ESR1: variants seen among roughly 807,000 people sequenced by gnomAD.
The protein encoded by ESR1 is estrogen receptor 1.
ESR1 carries 12 observed loss-of-function variants against 52.7 expected under a neutral mutation model. The observed-to-expected ratio is 0.23, with a 90% CI of 0.15 to 0.37. The LOEUF is 0.37. Among genes scored for constraint, ESR1 ranks in the 10% least tolerant of loss-of-function variants. The pLI is 1.00. For missense variants in ESR1, 584 were observed against 779.7 expected, an observed-to-expected ratio of 0.75 and a Z score of 2.99; for synonymous variants, 305 against 316.8, an observed-to-expected ratio of 0.96 and a Z score of 0.39.
intron 2 of ESR1, among the ~76,000 whole-genome samples, chr6:151,757,890 C>T (rs2128090489): frequency 6.6e-6 from 1 of 152,226 alleles, no homozygotes; most frequent in African/African-American, 2.4e-5. Flanking sequence ...AATGGTCTGA[C>T]CTTGAGGAAC....
intron 5 of ESR1, among the ~76,000 whole-genome samples, chr6:152,034,485 G>A (rs1260658817): frequency 2.6e-5 from 4 of 151,626 alleles, no homozygotes; most frequent in African/African-American, 7.3e-5. Context: ...TGTCCATAGA[G>A]TTTGTCTGCT....
chr6:152,088,531 A>G (rs531325828), intron 6 of ESR1, among the ~76,000 whole-genome samples: 3 of 152,354 alleles, frequency 2.0e-5, no homozygotes, highest in African/African-American at 7.2e-5. Flanking sequence ...TTCTGCGCTC[A>G]TGAGTGGTTG....
rs1656893997 is a variant in ESR1 at position 152,100,466 on chromosome 6, T to C, written c.*1500T>C. On this transcript the variant is annotated 3_prime_UTR_variant, in exon 8 of 8. Coordinates refer to ENST00000206249, the MANE Select transcript of ESR1 (RefSeq NM_000125.4). Reference sequence around the variant, plus strand: ...TCCTGCCAGCTCATTTCCTTCAATTTCCTTTGACCTATAGGCTAAAAAAGA... The same window carrying C: ...TCCTGCCAGCTCATTTCCTTCAATTCCCTTTGACCTATAGGCTAAAAAAGA... 2 of 249,458 alleles carry C rather than the reference T, an allele frequency of 8.0e-6. No homozygotes were observed. The highest frequency in any genetic ancestry group is 1.5e-5 in the Non-Finnish European group (2 of 129,688). The allele number at this position is 249,458 out of a possible 1,614,324, so 15.5% of individuals were successfully genotyped here. A position where few individuals can be genotyped will look rare whatever the true frequency, so the allele number is the denominator to read the frequency against.
intron 1 of ESR1, among the ~76,000 whole-genome samples, chr6:151,699,726 G>A (rs1348041900): frequency 6.6e-6 from 1 of 152,148 alleles, no homozygotes; most frequent in East Asian, 1.9e-4. Flanking sequence ...TTCAATGTTG[G>A]TGTCAATCTC....
intron 3 of ESR1, among the ~76,000 whole-genome samples, chr6:151,937,369 C>T (rs1449268337): frequency 6.6e-6 from 1 of 152,140 alleles, no homozygotes; most frequent in African/African-American, 2.4e-5. Flanking sequence ...TTAATTCCTG[C>T]TGACGGCTAA....
intron 5 of ESR1, among the ~76,000 whole-genome samples, chr6:152,046,308 A>G (rs1283923135): frequency 1.3e-5 from 2 of 152,250 alleles, no homozygotes; most frequent in African/African-American, 4.8e-5. Flanking sequence ...AGGGTCAGGA[A>G]CAAAAGCCTG....
chr6:151,688,699 T>C (rs181443235), upstream of ESR1, among the ~76,000 whole-genome samples: 36 of 152,342 alleles, frequency 2.4e-4, no homozygotes, highest in Non-Finnish European at 2.5e-4. Context: ...TTTCATTCTC[T>C]AAACAATATA....
intron 1 of ESR1, among the ~76,000 whole-genome samples, chr6:151,671,611 T>A (rs1053805937): frequency 1.3e-5 from 2 of 152,196 alleles, no homozygotes; most frequent in Admixed American, 6.5e-5. Flanking sequence ...TGGAGACCTA[T>A]TGTGCAGCAT....
intron 2 of ESR1, among the ~76,000 whole-genome samples, chr6:151,717,114 T>A (rs372283972): frequency 1.3e-5 from 2 of 151,930 alleles, no homozygotes; most frequent in African/African-American, 4.8e-5. Context: ...GGGGAGGGAG[T>A]TCCCTGACCC....
chr6:151,735,212 G>A lies in ESR1; in HGVS notation c.-71+33207G>A, dbSNP rs966764477. On this transcript the variant is annotated intron_variant, in intron 2 of 2. Transcript: ENST00000404742. ...ACTAGGTTTCTTAGCATAATGCGTT[G>A]TTGTGGTCCTCATGGTCTGTTGTTC... 2.0e-5 allele frequency among the ~76,000 whole-genome samples: 3 copies of A among 152,048 alleles called. No individual in the cohort carries two copies. The East Asian group carries it at 5.8e-4, about 29-fold the overall frequency.
intron 5 of ESR1, among the ~76,000 whole-genome samples, chr6:152,033,606 AC>A (rs1441983246): frequency 2.0e-5 from 3 of 152,346 alleles, no homozygotes; most frequent in Admixed American, 1.3e-4. Flanking sequence ...ACCATCTCAC[AC>A]CAGTTAGAAT....
At chr6:151,996,330 A>AC (rs1213207955) in intron 4 of ESR1, among the ~76,000 whole-genome samples, 11 of 151,514 alleles carry the variant, frequency 7.3e-5, no homozygotes, top group African/African-American at 2.7e-4. Context: ...AGCCAGGGGG[A>AC]CCTCCCACTG....
chr6:152,052,139 C>T (rs2046732883), intron 5 of ESR1, among the ~76,000 whole-genome samples: 1 of 152,208 alleles, frequency 6.6e-6, no homozygotes, highest in Admixed American at 6.5e-5. Flanking sequence ...TTTCACACAG[C>T]AAAGGAGAGA....
chr6:151,662,756 T>C (rs1173891903), intron 1 of ESR1, among the ~76,000 whole-genome samples: 1 of 152,226 alleles, frequency 6.6e-6, no homozygotes, highest in African/African-American at 2.4e-5. Flanking sequence ...GCTTCTTAGC[T>C]TCTTAGTTTC....
Position 152,098,849 on chromosome 6 carries a change from G to C in ESR1, c.1671G>C (p.Gly557=), listed in dbSNP as rs758015198. The stretch of plus-strand genomic sequence containing the variant: ...TACATGCGCCCACTAGCCGTGGAGG[G>C]GCATCCGTGGAGGAGACGGACCAAA... ...HRLHAPTSRG[G]ASVEETDQSH... The change falls in exon 8 of 8, where the codon GGG becomes GGC. Residue 557 remains glycine, a synonymous_variant. Transcript: ENST00000206249. This position sits in a 1 kb window ranked among gnomAD's most constrained non-coding sequence, Gnocchi z 5.1. 1.9e-6 allele frequency: 3 copies of C among 1,614,192 alleles called. No homozygotes were observed. The South Asian group carries it at 3.3e-5, about 18-fold the overall frequency.
intron 3 of ESR1, among the ~76,000 whole-genome samples, chr6:151,935,709 C>T (rs539807900): frequency 6.6e-5 from 10 of 152,332 alleles, no homozygotes; most frequent in African/African-American, 2.4e-4. Context: ...ATGAGTATTA[C>T]ACCAATTAGT....
chr6:151,739,765 G>A (rs1013437100), intron 2 of ESR1, among the ~76,000 whole-genome samples: 2 of 152,166 alleles, frequency 1.3e-5, no homozygotes, highest in Non-Finnish European at 2.9e-5. Context: ...TTGGACTTCT[G>A]TCTTTACTGA....
At chr6:152,033,013 C>G (rs1402164442) in intron 5 of ESR1, among the ~76,000 whole-genome samples, 2 of 152,156 alleles carry the variant, frequency 1.3e-5, no homozygotes, top group African/African-American at 2.4e-5. Flanking sequence ...TGATCTTTGA[C>G]AAACCTGAGA....
At chr6:152,064,688 T>A (rs2047824712) in intron 6 of ESR1, among the ~76,000 whole-genome samples, 1 of 152,220 alleles carries the variant, frequency 6.6e-6, no homozygotes, top group Admixed American at 6.5e-5. Context: ...ATGCATGTAT[T>A]TCCTAATCTC....
Sources: gnomAD v4.1 joint callset for allele counts (sites outside exome capture counted in the v4.1 genomes callset) on GRCh38, gnomAD v4.1.1 for gene constraint, Gnocchi (gnomAD v3.1) non-coding constraint, MANE v1.5 for transcripts, NCBI Gene and HGNC (gene_info 2026-07-23, HGNC 2026-07-21) for gene names.